The following SNX13 variants were observed in gnomAD, a reference collection of about 807,000 sequenced individuals.
SNX13 encodes the protein sorting nexin-13.
Under a neutral mutation model 133.6 loss-of-function variants are expected in SNX13, and 45 were observed. The ratio of observed to expected loss-of-function variants is 0.34; its 90% CI spans 0.27 to 0.43. The LOEUF (loss-of-function observed/expected upper bound fraction) is 0.43, where lower values mean the gene tolerates loss of function less well. Ranked by LOEUF, SNX13 falls within the 20% of genes least tolerant of loss-of-function variation. SNX13 has a pLI of 1.00. For missense variants in SNX13, 1,032 were observed against 1,145.1 expected, an observed-to-expected ratio of 0.90 and a Z score of 1.43; for synonymous variants, 414 against 373.9, an observed-to-expected ratio of 1.11 and a Z score of -1.24.
intron 9 of SNX13, among the ~76,000 whole-genome samples, 198 bp from the exon 10 acceptor site, chr7:17,851,162 T>C (rs754272439): frequency 5.3e-5 from 8 of 152,348 alleles, no homozygotes; most frequent in Middle Eastern, 6.8e-3. Flanking sequence ...TTATACAGCA[T>C]GTTTGAAACT....
intron 18 of SNX13, among the ~76,000 whole-genome samples, chr7:17,817,712 T>C (rs2128299770): frequency 6.6e-6 from 1 of 152,224 alleles, no homozygotes; most frequent in Non-Finnish European, 1.5e-5. Context: ...ACAAAAGTAT[T>C]AGAAATGGGT....
chr7:17,938,494 T>C (rs1802370782), intron 1 of SNX13, among the ~76,000 whole-genome samples: 1 of 152,234 alleles, frequency 6.6e-6, no homozygotes, highest in Non-Finnish European at 1.5e-5. Flanking sequence ...CGAGGCAATC[T>C]AGAAAAGTTA....
chr7:17,842,772 CTT>C (rs1220337553), intron 12 of SNX13, among the ~76,000 whole-genome samples: 2 of 151,880 alleles, frequency 1.3e-5, no homozygotes, highest in African/African-American at 4.8e-5. Context: ...TTTGTAAAGA[CTT>C]AGTTTTGTGA....
At chr7:17,893,489 T>C in intron 2 of SNX13, 55 bp from the exon 3 acceptor site, 1 of 1,062,912 alleles carries the variant, frequency 9.4e-7, no homozygotes, top group Middle Eastern at 2.0e-4. Context: ...TATAATTTAA[T>C]GAATCTACTA....
intron 22 of SNX13, among the ~76,000 whole-genome samples, chr7:17,800,330 AC>A (rs35116618): frequency 0.08 from 12,132 of 151,804 alleles, 688 homozygotes; most frequent in Admixed American, 0.14. Context: ...GGAGATAATT[AC>A]AACTTAAAAT....
intron 12 of SNX13, among the ~76,000 whole-genome samples, chr7:17,841,686 T>C (rs1479293608): frequency 6.6e-6 from 1 of 150,702 alleles, no homozygotes; most frequent in Non-Finnish European, 1.5e-5. Context: ...AAAAAAGACC[T>C]GATGGAATAT....
chr7:17,927,219 G>C (rs1189752149), intron 1 of SNX13, among the ~76,000 whole-genome samples: 1 of 149,288 alleles, frequency 6.7e-6, no homozygotes, highest in Non-Finnish European at 1.5e-5. Context: ...TAATATATAT[G>C]TGTGCATGTG....
At chr7:17,882,638 C>A in intron 5 of SNX13, 1 of 238,568 alleles carries the variant, frequency 4.2e-6, no homozygotes, top group Non-Finnish European at 7.2e-6. Context: ...AAATAACTCC[C>A]CAAATGGTAT....
At chr7:17,872,898 C>G (rs1415054894) in intron 8 of SNX13, among the ~76,000 whole-genome samples, 1 of 152,176 alleles carries the variant, frequency 6.6e-6, no homozygotes, top group African/African-American at 2.4e-5. Flanking sequence ...ACACACAGAA[C>G]TTTACTCTGA....
rs1799196994 is a variant in SNX13 at position 17,913,277 on chromosome 7, C to T, written c.13-15831G>A. Among the ~76,000 whole-genome samples, 3 of 152,206 alleles carry T rather than the reference C, an allele frequency of 2.0e-5. No homozygotes were observed. The South Asian group carries it at 6.2e-4, about 31-fold the overall frequency. On this transcript the variant is annotated intron_variant, in intron 1 of 25. Coordinates refer to ENST00000428135, the MANE Select transcript of SNX13 (RefSeq NM_015132.5). The stretch of plus-strand genomic sequence containing the variant: ...AGAGGGGGTAATCTCTTAATCCCCA[C>T]CACTCCCCAGTGCACTGTTGCAGAG...
chr7:17,851,988 T>C (rs1461203655), intron 9 of SNX13, among the ~76,000 whole-genome samples: 1 of 151,994 alleles, frequency 6.6e-6, no homozygotes, highest in African/African-American at 2.4e-5. Flanking sequence ...CTCAGAAGAT[T>C]TACTTACACA....
rs559557367 is a variant in SNX13, at chr7:17,833,114, A to G, written c.1597+938T>C. 2.4e-4 allele frequency among the ~76,000 whole-genome samples: 36 copies of G among 151,712 alleles called. 1 individual carries two copies. In the South Asian group the frequency reaches 6.8e-3, roughly 29 times the overall value. ...CATTTACTTTTTATTGACTTCATTC[A>G]CTTGGTAGAACATACCAGAAAGATC... is the stretch of plus-strand genomic sequence containing the variant. On this transcript the variant is annotated intron_variant, in intron 15 of 25. Transcript: ENST00000428135.
chr7:17,911,221 T>C (rs1297312030), intron 1 of SNX13, among the ~76,000 whole-genome samples: 1 of 152,214 alleles, frequency 6.6e-6, no homozygotes, highest in Non-Finnish European at 1.5e-5. Flanking sequence ...GTCCCTCTCA[T>C]TAACTGTATC....
At chr7:17,887,459 T>C (rs1177233566) in intron 5 of SNX13, among the ~76,000 whole-genome samples, 2 of 152,144 alleles carry the variant, frequency 1.3e-5, no homozygotes, top group South Asian at 2.1e-4. Context: ...GAAAGTTTCC[T>C]TCCCCAAGCT....
At chr7:17,869,843 C>T (rs1793855283) in intron 8 of SNX13, among the ~76,000 whole-genome samples, 2 of 151,146 alleles carry the variant, frequency 1.3e-5, no homozygotes, top group African/African-American at 4.9e-5. Context: ...TTTTAAAATG[C>T]ACTTTGTTAG....
At chr7:17,875,219 C>G (rs556063092) in intron 7 of SNX13, among the ~76,000 whole-genome samples, 1 of 151,960 alleles carries the variant, frequency 6.6e-6, no homozygotes, top group Non-Finnish European at 1.5e-5. Flanking sequence ...CCAGGCCCTT[C>G]GGCCTCCCAA....
At chr7:17,863,165 CAG>C (rs1792935656) in intron 9 of SNX13, among the ~76,000 whole-genome samples, 1 of 147,918 alleles carries the variant, frequency 6.8e-6, no homozygotes, top group African/African-American at 2.6e-5. Context: ...ATTCTCAGCT[CAG>C]GGGGAATAAC....
chr7:17,831,543 T>C (rs1182723456), intron 15 of SNX13: 1 of 984,218 alleles, frequency 1.0e-6, no homozygotes, highest in Non-Finnish European at 1.2e-6. Context: ...TAAATAGGAA[T>C]GAAATTTCTA....
At chr7:17,875,824 T>C (rs1794669400) in intron 5 of SNX13, 34 bp from the exon 6 acceptor site, 2 of 1,479,042 alleles carry the variant, frequency 1.4e-6, no homozygotes, top group East Asian at 4.6e-5. Flanking sequence ...AAGGATTATA[T>C]AAATGCTTTA....
Sources: gnomAD v4.1 joint callset for allele counts (sites outside exome capture counted in the v4.1 genomes callset) on GRCh38, gnomAD v4.1.1 for gene constraint, MANE v1.5 for transcripts, NCBI Gene and HGNC (gene_info 2026-07-23, HGNC 2026-07-21) for gene names.